SECISBP2L: variants seen among roughly 807,000 people sequenced by gnomAD.
The protein encoded by SECISBP2L is SECIS binding protein 2 like.
Under a neutral mutation model 114.7 loss-of-function variants are expected in SECISBP2L, and 43 were observed. That is an observed-to-expected ratio of 0.38 (90% confidence interval 0.29 to 0.48). The LOEUF is 0.48. Ranked by LOEUF, SECISBP2L falls within the 20% of genes least tolerant of loss-of-function variation. The pLI is 0.98. For synonymous variants in SECISBP2L, 451 were observed against 439.7 expected, an observed-to-expected ratio of 1.03 and a Z score of -0.32; for missense variants, 1,136 against 1,301.1, an observed-to-expected ratio of 0.87 and a Z score of 1.95.
chr15:48,994,917 G>A (rs1902057857), intron 17 of SECISBP2L, among the ~76,000 whole-genome samples: 2 of 147,550 alleles, frequency 1.4e-5, no homozygotes, highest in Non-Finnish European at 1.5e-5. Flanking sequence ...AAATTTTAAA[G>A]GCACAAAATG....
intron 7 of SECISBP2L, among the ~76,000 whole-genome samples, chr15:49,026,994 G>T (rs1902756757): frequency 6.6e-6 from 1 of 152,156 alleles, no homozygotes; most frequent in African/African-American, 2.4e-5. Context: ...TTACAGTCAA[G>T]TAAAGACACG....
At chr15:49,030,948 T>C (rs1005881675) in intron 4 of SECISBP2L, among the ~76,000 whole-genome samples, 1 of 152,098 alleles carries the variant, frequency 6.6e-6, no homozygotes, top group Admixed American at 6.5e-5. Flanking sequence ...TCCTTTATTT[T>C]AGCATTAGTT....
chr15:49,017,765 G>A (rs1259742148), intron 8 of SECISBP2L, 137 bp from the exon 9 acceptor site: 2 of 559,582 alleles, frequency 3.6e-6, no homozygotes, highest in Admixed American at 4.0e-5. Flanking sequence ...GTCTTAAAGA[G>A]GAAATGTCAT....
intron 1 of SECISBP2L, among the ~76,000 whole-genome samples, chr15:49,042,960 G>A (rs555473771): frequency 1.9e-4 from 29 of 152,170 alleles, no homozygotes; most frequent in Non-Finnish European, 2.8e-4. Flanking sequence ...CTGGGAAGGC[G>A]AGGTTGTAGT....
chr15:49,038,180 A>C (rs909831707), intron 1 of SECISBP2L, among the ~76,000 whole-genome samples: 8 of 152,188 alleles, frequency 5.3e-5, no homozygotes, highest in Non-Finnish European at 1.2e-4. Context: ...ATTTGTTTGA[A>C]TAGTCTTAAA....
intron 16 of SECISBP2L, among the ~76,000 whole-genome samples, chr15:48,998,710 C>T (rs148020523): frequency 2.0e-4 from 30 of 152,212 alleles, no homozygotes; most frequent in African/African-American, 7.2e-4. Context: ...AGGTGCACTA[C>T]CATTCATTGT....
Position 48,996,132 on chromosome 15 carries a change from CCT to C in SECISBP2L, c.2623+233_2623+234del, listed in dbSNP as rs367914377. 9.5e-5 allele frequency: 44 copies of C among 464,146 alleles called. 2 individuals carry two copies. Among genetic ancestry groups the C allele is most frequent in the African/African-American group, 7.5e-4 (38 of 50,946 alleles). The allele number at this position is 464,146 out of a possible 1,614,324, so 28.8% of individuals were successfully genotyped here. ...ATGGTGTGTTTTGCTTTTTAAAGCC[CCT>C]GAGGCTTTTTATAAAGATTTGGAAC... On this transcript the variant is annotated intron_variant, in intron 17 of 17. Coordinates refer to ENST00000559471, the MANE Select transcript of SECISBP2L (RefSeq NM_001193489.2).
intron 1 of SECISBP2L, among the ~76,000 whole-genome samples, chr15:49,040,775 T>A (rs1903112532): frequency 1.3e-5 from 2 of 151,594 alleles, no homozygotes; most frequent in Admixed American, 1.3e-4. Context: ...CCTGACCTCG[T>A]GATCCGCCCG....
intron 1 of SECISBP2L, among the ~76,000 whole-genome samples, chr15:49,040,437 T>C (rs1465093493): frequency 3.3e-5 from 5 of 152,126 alleles, no homozygotes; most frequent in Admixed American, 2.6e-4. Flanking sequence ...AAGCTGTTTA[T>C]TGTGACTTTG....
rs1243113981 is a variant in SECISBP2L, at chr15:49,028,607, C to A, written c.740G>T (p.Arg247Ile). 1.2e-6 allele frequency: 2 copies of A among 1,614,144 alleles called. No homozygotes were observed. The part of the protein sequence containing the change: ...ATMLWKSKGR[R>I]RRASHPTAES... The stretch of plus-strand genomic sequence containing the variant: ...AGCAGTAGGGTGGGATGCTCTTCTT[C>A]TCCTGCCCTTGGACTTCCAGAGCAT... The change falls in exon 5 of 18, where the codon AGA (arginine) becomes ATA (isoleucine). Residue 247 changes from arginine to isoleucine, a missense_variant. This residue lies in a region of SECISBP2L where 452 missense variants were observed against 452.3 expected (regional missense o/e 1.00). Coordinates refer to ENST00000559471, the MANE Select transcript of SECISBP2L (RefSeq NM_001193489.2).
intron 1 of SECISBP2L, among the ~76,000 whole-genome samples, chr15:49,043,394 C>A (rs1903180917): frequency 6.6e-6 from 1 of 152,046 alleles, no homozygotes; most frequent in Admixed American, 6.6e-5. Context: ...CTTATAAATT[C>A]TTTTAAAAGA....
chr15:49,004,226 T>A (rs1435893784), intron 14 of SECISBP2L, among the ~76,000 whole-genome samples: 1 of 152,190 alleles, frequency 6.6e-6, no homozygotes, highest in African/African-American at 2.4e-5. Context: ...TTTATTTGTA[T>A]AGAGCTGTTT....
At chr15:49,035,015 A>C (rs1902977157) in intron 3 of SECISBP2L, among the ~76,000 whole-genome samples, 1 of 152,172 alleles carries the variant, frequency 6.6e-6, no homozygotes, top group African/African-American at 2.4e-5. Flanking sequence ...CACAAGATCC[A>C]CACTAATCAC....
At chr15:49,001,348 TATG>T (rs763813293) in intron 14 of SECISBP2L, among the ~76,000 whole-genome samples, 14 of 152,190 alleles carry the variant, frequency 9.2e-5, no homozygotes, top group South Asian at 4.2e-4. Flanking sequence ...TTGCTTTTAT[TATG>T]ATACTGGTTT....
At chr15:49,008,418 C>CT (rs886581517) in intron 14 of SECISBP2L, among the ~76,000 whole-genome samples, 1 of 152,146 alleles carries the variant, frequency 6.6e-6, no homozygotes, top group Admixed American at 6.5e-5. Context: ...TTTCTTCATT[C>CT]TTTTTTTCCC....
At chr15:49,026,224 G>T (rs990317197) in intron 7 of SECISBP2L, among the ~76,000 whole-genome samples, 25 of 152,196 alleles carry the variant, frequency 1.6e-4, no homozygotes, top group African/African-American at 5.5e-4. Flanking sequence ...GCTGGGAAGG[G>T]TTGAGGGAGA....
At chr15:49,003,953 T>A (rs1445596665) in intron 14 of SECISBP2L, among the ~76,000 whole-genome samples, 1 of 152,236 alleles carries the variant, frequency 6.6e-6, no homozygotes, top group Non-Finnish European at 1.5e-5. Flanking sequence ...GCTGGCCTCA[T>A]AAAATGAGTT....
At chr15:49,019,721 T>C (rs151317349) in intron 7 of SECISBP2L, 169 bp from the exon 8 acceptor site, 2 of 472,996 alleles carry the variant, frequency 4.2e-6, no homozygotes, top group African/African-American at 2.0e-5. Context: ...AAGGTACTTA[T>C]AAGAAAAATA....
At position 48,992,660 on chromosome 15, in the gene SECISBP2L, A is replaced by C; in HGVS notation, c.2890T>G (p.Leu964Val). 1.2e-6 allele frequency: 2 copies of C among 1,614,166 alleles called. No individual in the cohort carries two copies. Among genetic ancestry groups the C allele is most frequent in the Non-Finnish European group, 1.7e-6 (2 of 1,180,038 alleles). The change falls in exon 18 of 18, where the codon TTG (leucine) becomes GTG (valine). Residue 964 changes from leucine to valine, a missense_variant. Transcript: ENST00000559471. The part of the protein sequence containing the change: ...ASQQSTETGS[L>V]DGSCRDLLNS... ...AAAAGATCTCGGCAACTGCCATCCA[A>C]AGAGCCAGTCTCTGTACTCTGCTGT...
Sources: allele counts gnomAD v4.1 joint callset (sites outside exome capture counted in the v4.1 genomes callset), GRCh38; gene constraint gnomAD v4.1.1; regional missense constraint gnomAD v4.1.1; transcripts MANE v1.5; gene names NCBI Gene and HGNC (gene_info 2026-07-23, HGNC 2026-07-21).